PARG: variants seen among roughly 807,000 people sequenced by gnomAD.
The protein encoded by PARG is mitochondrial poly(ADP-ribose) glycohydrolase.
Under a neutral mutation model 113.0 loss-of-function variants are expected in PARG, and 35 were observed. That is an observed-to-expected ratio of 0.31 (90% CI 0.24 to 0.41). PARG has a LOEUF of 0.41. Among genes scored for constraint, PARG ranks in the 10% least tolerant of loss-of-function variants. PARG has a pLI of 1.00. For missense variants in PARG, 797 were observed against 1,169.4 expected (o/e 0.68, Z 4.64); for synonymous variants, 330 against 409.9 (o/e 0.81, Z 2.36).
At chr10:49,826,206 G>C (rs1844352021) in intron 16 of PARG, among the ~76,000 whole-genome samples, 1 of 152,122 alleles carries the variant, frequency 6.6e-6, no homozygotes. Context: ...CCACAAAAAA[G>C]GATAATACAG....
chr10:49,856,442 A>C (rs1845991788), intron 13 of PARG, among the ~76,000 whole-genome samples: 1 of 152,120 alleles, frequency 6.6e-6, no homozygotes, highest in Non-Finnish European at 1.5e-5. Context: ...GGCCTCCCAA[A>C]GCGCTAGGAT....
rs1172576803 is a variant in PARG at position 49,941,245 on chromosome 10, A to G, written c.217+264T>C. Among the ~76,000 whole-genome samples the G allele has an allele frequency of 3.3e-5, 5 of 152,180 alleles. No individual in the cohort carries two copies. In the East Asian group the frequency reaches 7.7e-4, roughly 24 times the overall value. ...ACGACTAAGGCAATTTCTCAATCAA[A>G]CCTGAAGAAGCAAACAGGTGGTGGA... On this transcript the variant is annotated intron_variant, in intron 1 of 17. Transcript: ENST00000616448.
chr10:49,940,917 G>A (rs1839014857), intron 1 of PARG, among the ~76,000 whole-genome samples: 2 of 152,082 alleles, frequency 1.3e-5, no homozygotes. Context: ...ATCTTCTGGA[G>A]GACTATTTTC....
chr10:49,903,280 G>GA (rs543888817), intron 7 of PARG, among the ~76,000 whole-genome samples: 3 of 151,546 alleles, frequency 2.0e-5, no homozygotes, highest in East Asian at 1.9e-4. Flanking sequence ...CCTGTCTCTG[G>GA]AAAAAAAATA....
chr10:49,856,562 T>G (rs1846000028), intron 13 of PARG, among the ~76,000 whole-genome samples: 1 of 152,360 alleles, frequency 6.6e-6, no homozygotes, highest in African/African-American at 2.4e-5. Flanking sequence ...TTCCTGTGCT[T>G]CTTATATTTA....
At chr10:49,862,390 C>A (rs1554836115) in intron 11 of PARG, among the ~76,000 whole-genome samples, 1 of 151,252 alleles carries the variant, frequency 6.6e-6, no homozygotes, top group African/African-American at 2.4e-5. Context: ...AAAGTTCTAA[C>A]TCACATAAGA....
Position 49,932,300 on chromosome 10 carries a change from T to C in PARG, c.1272-17A>G. 3 of 1,429,440 alleles carry C rather than the reference T, an allele frequency of 2.1e-6. No individual in the cohort carries two copies. Among genetic ancestry groups the C allele is most frequent in the South Asian group, 1.1e-5 (1 of 87,332 alleles). 88.5% of individuals were successfully genotyped at this position (1,429,440 alleles called of 1,614,324 possible). A position where few individuals can be genotyped will look rare whatever the true frequency, so the allele number is the denominator to read the frequency against. ...TGTTCTTTTCTAAGGTCAAGACAAA[T>C]GTATTTAGTCACAAATTATTTACTG... On this transcript the variant is annotated splice_polypyrimidine_tract_variant and intron_variant, in intron 3 of 17. Coordinates refer to ENST00000616448, the MANE Select transcript of PARG (RefSeq NM_003631.5).
rs572581149 is a variant in PARG at position 49,848,874 on chromosome 10, A to G, written c.2354-5242T>C. Reference sequence around the variant, plus strand: ...GAAAACCATAAAATACTAATATAAAATACTAGTGAGTAAAACTGACATGAA... The same window carrying G: ...GAAAACCATAAAATACTAATATAAAGTACTAGTGAGTAAAACTGACATGAA... On this transcript the variant is annotated intron_variant, in intron 13 of 17. Coordinates refer to ENST00000616448, the MANE Select transcript of PARG (RefSeq NM_003631.5). Among the ~76,000 whole-genome samples, 3 of 152,234 alleles carry G rather than the reference A, an allele frequency of 2.0e-5. No homozygotes were observed. In the South Asian group the frequency reaches 6.2e-4, roughly 32 times the overall value.
chr10:49,919,385 G>A (rs1441158790), intron 6 of PARG, among the ~76,000 whole-genome samples: 1 of 152,216 alleles, frequency 6.6e-6, no homozygotes, highest in Non-Finnish European at 1.5e-5. Flanking sequence ...GCTTCTATGT[G>A]AGTTTATAAT....
chr10:49,869,468 G>T lies in PARG; in HGVS notation c.2068+8C>A, dbSNP rs1208866968. 4.0e-6 allele frequency: 3 copies of T among 748,474 alleles called. No homozygotes were observed. The highest frequency in any genetic ancestry group is 5.4e-5 in the East Asian group (2 of 37,330). 46.4% of individuals were successfully genotyped at this position (748,474 alleles called of 1,614,324 possible). ...AGAAAAATTACAGTAAGAATGAAAG[G>T]AATTTACTTTTCTCTGTGACTCTTC... On this transcript the variant is annotated splice_region_variant and intron_variant, in intron 10 of 17. Transcript: ENST00000616448.
chr10:49,898,629 G>C (rs1405380196), intron 7 of PARG, among the ~76,000 whole-genome samples: 1 of 151,786 alleles, frequency 6.6e-6, no homozygotes, highest in Non-Finnish European at 1.5e-5. Flanking sequence ...TTCTTATCTA[G>C]TCTCATTCAG....
At position 49,832,783 on chromosome 10, in the gene PARG, C is replaced by T; in HGVS notation, c.2647+20G>A. On this transcript the variant is annotated intron_variant, in intron 16 of 17. Transcript: ENST00000616448. Reference sequence around the variant, plus strand: ...TTTTGTGTGGGCAGAATGCTTTTATCCTTTTCTACAACAACTTACCTTTTA... The same window carrying T: ...TTTTGTGTGGGCAGAATGCTTTTATTCTTTTCTACAACAACTTACCTTTTA... 2 of 1,426,792 alleles carry T rather than the reference C, an allele frequency of 1.4e-6. No homozygotes were observed. The highest frequency in any genetic ancestry group is 1.9e-6 in the Non-Finnish European group (2 of 1,037,044). The allele number at this position is 1,426,792 out of a possible 1,614,324, so 88.4% of individuals were successfully genotyped here. A position where few individuals can be genotyped will look rare whatever the true frequency, so the allele number is the denominator to read the frequency against.
chr10:49,931,824 G>GA (rs1396069937), intron 4 of PARG, among the ~76,000 whole-genome samples: 2 of 145,674 alleles, frequency 1.4e-5, no homozygotes, highest in Non-Finnish European at 3.0e-5. Context: ...TGAGTAAAAA[G>GA]AAAAAAAAAG....
chr10:49,904,193 T>C (rs1848469864), intron 7 of PARG, among the ~76,000 whole-genome samples: 1 of 151,986 alleles, frequency 6.6e-6, no homozygotes, highest in African/African-American at 2.4e-5. Context: ...AATGAATAGA[T>C]AAATGGTGGA....
intron 8 of PARG, among the ~76,000 whole-genome samples, chr10:49,880,520 C>G (rs1847162418): frequency 6.6e-6 from 1 of 152,192 alleles, no homozygotes; most frequent in South Asian, 2.1e-4. Flanking sequence ...ACCAAATTCA[C>G]TTACCTTTTA....
intron 8 of PARG, among the ~76,000 whole-genome samples, chr10:49,884,053 A>C (rs1847343717): frequency 6.6e-6 from 1 of 151,964 alleles, no homozygotes; most frequent in Non-Finnish European, 1.5e-5. Flanking sequence ...ACAGCTCTGT[A>C]AGTAAGCCAA....
chr10:49,915,656 C>T (rs1322829442), intron 7 of PARG, among the ~76,000 whole-genome samples: 2 of 152,010 alleles, frequency 1.3e-5, no homozygotes, highest in African/African-American at 4.8e-5. Flanking sequence ...TTCTCAAAAT[C>T]TAATCATGGA....
At chr10:49,941,373 T>G (rs1839052124) in intron 1 of PARG, 136 bp downstream of exon 1, 1 of 791,352 alleles carries the variant, frequency 1.3e-6, no homozygotes, top group African/African-American at 1.7e-5. Flanking sequence ...GTGGCTTTGG[T>G]AGCTCAGCAA....
At chr10:49,874,691 A>G (rs1273846720) in intron 9 of PARG, among the ~76,000 whole-genome samples, 7 of 149,740 alleles carry the variant, frequency 4.7e-5, no homozygotes, top group Non-Finnish European at 1.0e-4. Flanking sequence ...TGTCTCTAAT[A>G]AAAACACAAA....
Sources: allele counts gnomAD v4.1 joint callset (sites outside exome capture counted in the v4.1 genomes callset), GRCh38; gene constraint gnomAD v4.1.1; transcripts MANE v1.5; gene names NCBI Gene and HGNC (gene_info 2026-07-23, HGNC 2026-07-21).